NKAIN2: variants seen among roughly 807,000 people sequenced by gnomAD.
NKAIN2 encodes sodium/potassium-transporting ATPase subunit beta-1-interacting protein 2.
Under a neutral mutation model 32.6 loss-of-function variants are expected in NKAIN2, and 14 were observed. That is an observed-to-expected ratio of 0.43 (90% CI 0.28 to 0.67). The LOEUF is 0.67. NKAIN2 is among the 30% of genes least tolerant of loss of function. NKAIN2 has a pLI of 0.17. For synonymous variants in NKAIN2, 80 were observed against 87.2 expected (o/e 0.92, Z 0.46); for missense variants, 198 against 258.3 (o/e 0.77, Z 1.60).
intron 1 of NKAIN2, among the ~76,000 whole-genome samples, chr6:123,941,252 C>T (rs573336743): frequency 6.6e-6 from 1 of 151,656 alleles, no homozygotes; most frequent in Non-Finnish European, 1.5e-5. Flanking sequence ...TGAAGGACTG[C>T]TTGATGCTGT....
At chr6:124,313,927 G>A (rs1042946170) in intron 2 of NKAIN2, among the ~76,000 whole-genome samples, 13 of 152,238 alleles carry the variant, frequency 8.5e-5, no homozygotes, top group African/African-American at 2.9e-4. Context: ...TATTGAATAA[G>A]TTGCCGGGCT....
chr6:123,965,175 C>T (rs1354431801), intron 1 of NKAIN2, among the ~76,000 whole-genome samples: 1 of 152,076 alleles, frequency 6.6e-6, no homozygotes, highest in African/African-American at 2.4e-5. Flanking sequence ...TACCCATGCC[C>T]ATCCTTGTTA....
In NKAIN2 at chr6:124,631,932, C is replaced by T. The variant is rs115558402; in HGVS notation, c.274-26254C>T. ...CTGATCAGACAACTGTAAAAGATCC[C>T]TTAAGTAAGTGTATGAGATTTGGTA... On this transcript the variant is annotated intron_variant, in intron 3 of 6. Coordinates refer to ENST00000368417, the MANE Select transcript of NKAIN2 (RefSeq NM_001040214.3). 9.9e-3 allele frequency among the ~76,000 whole-genome samples: 1,514 copies of T among 152,228 alleles called. 25 individuals carry two copies. Among genetic ancestry groups the T allele is most frequent in the African/African-American group, 0.034 (1,399 of 41,522 alleles).
intron 1 of NKAIN2, among the ~76,000 whole-genome samples, chr6:123,980,617 G>A (rs1778844315): frequency 6.6e-6 from 1 of 152,170 alleles, no homozygotes; most frequent in South Asian, 2.1e-4. Flanking sequence ...GGCATTCTGT[G>A]ATTCAGGCAG....
intron 1 of NKAIN2, among the ~76,000 whole-genome samples, chr6:123,940,530 A>G (rs1434751634): frequency 6.6e-6 from 1 of 152,060 alleles, no homozygotes; most frequent in African/African-American, 2.4e-5. Context: ...GGCATATGAT[A>G]TAGCATTTTG....
At chr6:124,450,978 C>A (rs1583273068) in intron 3 of NKAIN2, among the ~76,000 whole-genome samples, 1 of 151,984 alleles carries the variant, frequency 6.6e-6, no homozygotes, top group Admixed American at 6.6e-5. Context: ...GACTATTTAA[C>A]CCAGCTATGC....
intron 2 of NKAIN2, among the ~76,000 whole-genome samples, chr6:124,348,008 T>A (rs1048478414): frequency 8.6e-5 from 13 of 152,036 alleles, no homozygotes; most frequent in Admixed American, 6.6e-5. Flanking sequence ...TACAGATGGG[T>A]TTTTGGTGTG....
chr6:123,878,942 GA>G (rs1773311394), intron 1 of NKAIN2, among the ~76,000 whole-genome samples: 1 of 152,146 alleles, frequency 6.6e-6, no homozygotes, highest in South Asian at 2.1e-4. Flanking sequence ...CTTACTCTCA[GA>G]GATAGTACTT....
At chr6:123,845,021 T>C (rs1197189783) in intron 1 of NKAIN2, among the ~76,000 whole-genome samples, 1 of 152,178 alleles carries the variant, frequency 6.6e-6, no homozygotes, top group Non-Finnish European at 1.5e-5. Flanking sequence ...AAGATGTTAA[T>C]TGGAAAACAA....
intron 1 of NKAIN2, among the ~76,000 whole-genome samples, chr6:124,276,402 A>T (rs962704467): frequency 1.3e-5 from 2 of 151,202 alleles, no homozygotes; most frequent in African/African-American, 4.9e-5. Flanking sequence ...TGTAACTAAA[A>T]CTCTTTAAGT....
intron 1 of NKAIN2, among the ~76,000 whole-genome samples, chr6:123,878,047 A>G (rs1773251105): frequency 6.6e-6 from 1 of 152,074 alleles, no homozygotes; most frequent in Non-Finnish European, 1.5e-5. Flanking sequence ...ACCAACATGG[A>G]GAAACCCTGC....
intron 3 of NKAIN2, among the ~76,000 whole-genome samples, chr6:124,613,814 G>T (rs1481050472): frequency 6.6e-6 from 1 of 151,984 alleles, no homozygotes; most frequent in Non-Finnish European, 1.5e-5. Context: ...AAAGGCAAAG[G>T]CTTGGTTGCC....
chr6:124,175,210 G>T (rs1314062058), intron 1 of NKAIN2, among the ~76,000 whole-genome samples: 1 of 152,058 alleles, frequency 6.6e-6, no homozygotes, highest in Non-Finnish European at 1.5e-5. Flanking sequence ...CATAGACAGC[G>T]TGAAGTGCTT....
intron 3 of NKAIN2, among the ~76,000 whole-genome samples, chr6:124,645,720 A>C (rs897698061): frequency 1.3e-5 from 2 of 152,192 alleles, no homozygotes; most frequent in African/African-American, 4.8e-5. Context: ...GGATCACCAG[A>C]CTTTTAAGGA....
intron 1 of NKAIN2, among the ~76,000 whole-genome samples, chr6:124,250,421 C>T (rs963265704): frequency 6.6e-6 from 1 of 151,820 alleles, no homozygotes; most frequent in Non-Finnish European, 1.5e-5. Context: ...ACTATGGACT[C>T]CAAATACAAA....
chr6:124,816,381 T>A (rs1392178992), intron 5 of NKAIN2, among the ~76,000 whole-genome samples: 1 of 152,176 alleles, frequency 6.6e-6, no homozygotes, highest in Non-Finnish European at 1.5e-5. Flanking sequence ...TCAAAACCCA[T>A]AGAATGTACA....
At chr6:124,325,516 A>T (rs923727531) in intron 2 of NKAIN2, among the ~76,000 whole-genome samples, 52 of 152,128 alleles carry the variant, frequency 3.4e-4, no homozygotes, top group African/African-American at 1.2e-3. Flanking sequence ...CCATCAACTG[A>T]TGAATGAGTA....
chr6:123,960,791 C>T (rs911551148), intron 1 of NKAIN2, among the ~76,000 whole-genome samples: 26 of 151,800 alleles, frequency 1.7e-4, no homozygotes, highest in African/African-American at 6.3e-4. Flanking sequence ...AGACTCTCTT[C>T]CTATATGAAT....
intron 4 of NKAIN2, among the ~76,000 whole-genome samples, chr6:124,672,951 C>A (rs1051894214): frequency 6.6e-6 from 1 of 152,012 alleles, no homozygotes; most frequent in African/African-American, 2.4e-5. Flanking sequence ...GACACTGCTG[C>A]TGACTGTATG....
Sources: allele counts gnomAD v4.1 joint callset (sites outside exome capture counted in the v4.1 genomes callset), GRCh38; gene constraint gnomAD v4.1.1; transcripts MANE v1.5; gene names NCBI Gene and HGNC (gene_info 2026-07-23, HGNC 2026-07-21).